Variants in CARNMT1 observed in about 807,000 individuals in gnomAD.
CARNMT1 encodes protein-L-histidine N-pros-methyltransferase CARNMT1.
CARNMT1 carries 28 observed loss-of-function variants against 49.6 expected under a neutral mutation model. That is an observed-to-expected ratio of 0.56 (90% CI 0.42 to 0.77). The LOEUF (loss-of-function observed/expected upper bound fraction) is 0.77, where lower values mean the gene tolerates loss of function less well. Ranked by LOEUF, CARNMT1 falls within the 30% of genes least tolerant of loss-of-function variation. CARNMT1 has a pLI of 0.00. For missense variants in CARNMT1, 421 were observed against 512.6 expected (o/e 0.82, Z 1.73); for synonymous variants, 178 against 175.0 (o/e 1.02, Z -0.13).
intron 3 of CARNMT1, among the ~76,000 whole-genome samples, chr9:75,002,724 T>C (rs1833398246): frequency 6.6e-6 from 1 of 152,190 alleles, no homozygotes; most frequent in Non-Finnish European, 1.5e-5. Flanking sequence ...TGTCAAGGTT[T>C]AACAGAGCTA....
chr9:75,017,112 G>T lies in CARNMT1; in HGVS notation c.426+141C>A. On this transcript the variant is annotated intron_variant, in intron 2 of 7. Transcript: ENST00000376834. ...CTCTGGCTATTAAGCCTAATCAAATGACTGAACATTTAAGTTAAAACTTTC... is the reference window on the plus strand; with the variant it reads ...CTCTGGCTATTAAGCCTAATCAAATTACTGAACATTTAAGTTAAAACTTTC... 4.7e-6 allele frequency: 3 copies of T among 638,906 alleles called. No homozygotes were observed. In the South Asian group the frequency reaches 6.4e-5, roughly 14 times the overall value. The allele number at this position is 638,906 out of a possible 1,614,324, so 39.6% of individuals were successfully genotyped here. A position where few individuals can be genotyped will look rare whatever the true frequency, so the allele number is the denominator to read the frequency against.
intron 3 of CARNMT1, among the ~76,000 whole-genome samples, chr9:75,003,874 G>C (rs546157241): frequency 6.6e-6 from 1 of 152,050 alleles, no homozygotes; most frequent in African/African-American, 2.4e-5. Context: ...TTTTTGTTTT[G>C]TTTTGTTCTG....
intron 1 of CARNMT1, among the ~76,000 whole-genome samples, chr9:75,021,280 A>AT (rs1822346116): frequency 7.4e-6 from 1 of 134,678 alleles, no homozygotes; most frequent in Non-Finnish European, 1.7e-5. Flanking sequence ...ATATATACAT[A>AT]GTATATACAT....
chr9:75,021,733 C>G (rs185972164), intron 1 of CARNMT1, among the ~76,000 whole-genome samples: 2 of 151,956 alleles, frequency 1.3e-5, no homozygotes, highest in East Asian at 3.9e-4. Context: ...GTGTTCAAAA[C>G]CGGCCTGGGC....
chr9:74,995,069 A>T (rs1364909885), intron 6 of CARNMT1, among the ~76,000 whole-genome samples: 2 of 138,328 alleles, frequency 1.4e-5, no homozygotes, highest in Non-Finnish European at 3.3e-5. Flanking sequence ...AACAAATGTT[A>T]AAAAAAAAGC....
At chr9:75,021,669 GCCAGTAATC>G (rs2118871295) in intron 1 of CARNMT1, among the ~76,000 whole-genome samples, 1 of 151,778 alleles carries the variant, frequency 6.6e-6, no homozygotes, top group East Asian at 1.9e-4. Context: ...AGTGGCTCAT[GCCAGTAATC>G]CCAGTATTTT....
At chr9:75,006,599 T>G (rs1405102012) in intron 3 of CARNMT1, among the ~76,000 whole-genome samples, 1 of 152,170 alleles carries the variant, frequency 6.6e-6, no homozygotes, top group Non-Finnish European at 1.5e-5. Context: ...CATATATACC[T>G]ATCCACTTTT....
intron 3 of CARNMT1, among the ~76,000 whole-genome samples, chr9:75,004,573 T>C (rs2118813513): frequency 6.6e-6 from 1 of 152,338 alleles, no homozygotes; most frequent in East Asian, 1.9e-4. Context: ...CCACCTGCAC[T>C]ATTTGGCAGT....
At chr9:75,002,459 T>C (rs4744735) in intron 3 of CARNMT1, among the ~76,000 whole-genome samples, 9,803 of 152,286 alleles carry the variant, frequency 0.064, 549 homozygotes, top group Admixed American at 0.14. Flanking sequence ...ACTTAAAATG[T>C]GGCTATTGCA....
Position 74,999,611 on chromosome 9 carries a change from G to C in CARNMT1, c.731+119C>G, listed in dbSNP as rs992158478. On this transcript the variant is annotated intron_variant, in intron 4 of 7. Transcript: ENST00000376834. ...TGATTTTAACATAAGACACATTTGT[G>C]ATATATATAATAATCAAATGCTATG... The C allele has an allele frequency of 1.3e-4, 102 of 773,254 alleles. 1 individual carries two copies. The highest frequency in any genetic ancestry group is 1.4e-4 in the Non-Finnish European group (74 of 517,860). 47.9% of individuals were successfully genotyped at this position (773,254 alleles called of 1,614,324 possible). A position where few individuals can be genotyped will look rare whatever the true frequency, so the allele number is the denominator to read the frequency against.
chr9:75,015,901 CT>C (rs1476123144), intron 3 of CARNMT1: 1 of 155,562 alleles, frequency 6.4e-6, no homozygotes, highest in East Asian at 1.9e-4. Context: ...TTAAGAATCT[CT>C]GCTTGCTCAG....
intron 7 of CARNMT1, 33 bp downstream of exon 7, chr9:74,984,871 GAGT>G (rs780160926): frequency 3.7e-6 from 5 of 1,345,482 alleles, no homozygotes; most frequent in Non-Finnish European, 5.3e-6. Context: ...GGTGCTTTGG[GAGT>G]TAAACTTTGG....
chr9:75,027,231 G>A, intron 1 of CARNMT1: 2 of 966,626 alleles, frequency 2.1e-6, no homozygotes, highest in Non-Finnish European at 2.8e-6. Flanking sequence ...CATCTATCTA[G>A]AAGAAACGTG....
intron 6 of CARNMT1, among the ~76,000 whole-genome samples, chr9:74,987,388 TCCA>T (rs1832876782): frequency 6.6e-6 from 1 of 152,098 alleles, no homozygotes; most frequent in African/African-American, 2.4e-5. Flanking sequence ...AACCCAAACG[TCCA>T]CCAACCAGTG....
In CARNMT1 at chr9:75,016,267, C is replaced by T; in HGVS notation, c.590+1G>A. On this transcript the variant is annotated splice_donor_variant, in intron 3 of 7. Transcript: ENST00000376834. LOFTEE classifies it high-confidence loss of function. ...TTGGTTAAAAATGAGGTACTATTTA[C>T]CATCTCTCTTTTGGAAAATTTTTTA... The T allele has an allele frequency of 6.2e-7, 1 of 1,609,630 alleles. No homozygotes were observed.
chr9:75,012,625 T>G (rs1353058410), intron 3 of CARNMT1, among the ~76,000 whole-genome samples: 1 of 152,056 alleles, frequency 6.6e-6, no homozygotes, highest in Non-Finnish European at 1.5e-5. Flanking sequence ...TTGAGCTCCA[T>G]TTTTCTTCAG....
At chr9:75,021,027 A>G (rs891929982) in intron 1 of CARNMT1, among the ~76,000 whole-genome samples, 13 of 152,038 alleles carry the variant, frequency 8.6e-5, no homozygotes, top group Non-Finnish European at 1.3e-4. Flanking sequence ...GATTTAATAA[A>G]TACCAGGGAC....
intron 4 of CARNMT1, among the ~76,000 whole-genome samples, chr9:74,999,470 G>C (rs1366194473): frequency 1.3e-5 from 2 of 152,122 alleles, no homozygotes; most frequent in Non-Finnish European, 2.9e-5. Context: ...TGAAGATTTT[G>C]TACAGAAATC....
chr9:75,006,945 TATC>T (rs768618740), intron 3 of CARNMT1, among the ~76,000 whole-genome samples: 1 of 152,192 alleles, frequency 6.6e-6, no homozygotes, highest in African/African-American at 2.4e-5. Context: ...TAATTAATGG[TATC>T]ATACATGATT....
Sources: allele counts gnomAD v4.1 joint callset (sites outside exome capture counted in the v4.1 genomes callset), GRCh38; gene constraint gnomAD v4.1.1; transcripts MANE v1.5; gene names NCBI Gene and HGNC (gene_info 2026-07-23, HGNC 2026-07-21).